The following ATP9B variants were observed in gnomAD, a reference collection of about 807,000 sequenced individuals.
ATP9B encodes ATPase phospholipid transporting 9B, also known as probable phospholipid-transporting ATPase IIB.
In ATP9B, 110 loss-of-function variants were observed where a neutral mutation model predicts 146.1. The ratio of observed to expected loss-of-function variants is 0.75; its 90% confidence interval spans 0.65 to 0.88. The LOEUF (loss-of-function observed/expected upper bound fraction) is 0.88, where lower values mean the gene tolerates loss of function less well. ATP9B is among the 40% of genes least tolerant of loss of function. ATP9B has a pLI of 0.00. For synonymous variants in ATP9B, 604 were observed against 569.7 expected, an observed-to-expected ratio of 1.06 and a Z score of -0.86; for missense variants, 1,499 against 1,496.4, an observed-to-expected ratio of 1.00 and a Z score of -0.03.
At chr18:79,121,664 G>T (rs1486509501) in intron 4 of ATP9B, among the ~76,000 whole-genome samples, 1 of 152,168 alleles carries the variant, frequency 6.6e-6, no homozygotes, top group African/African-American at 2.4e-5. Context: ...GGATAGATAC[G>T]CAGGGGATGG....
intron 7 of ATP9B, among the ~76,000 whole-genome samples, chr18:79,175,531 G>C (rs879359694): frequency 1.3e-5 from 2 of 151,888 alleles, no homozygotes; most frequent in Non-Finnish European, 2.9e-5. Context: ...CTCACACACA[G>C]AGGCACACAC....
At chr18:79,268,082 C>T (rs1183891420) in intron 12 of ATP9B, among the ~76,000 whole-genome samples, 1 of 152,096 alleles carries the variant, frequency 6.6e-6, no homozygotes, top group African/African-American at 2.4e-5. Flanking sequence ...TAAGCAGTTT[C>T]TCATTATAAA....
At chr18:79,276,906 G>A in intron 12 of ATP9B, 148 bp from the exon 13 acceptor site, 2 of 1,252,478 alleles carry the variant, frequency 1.6e-6, no homozygotes, top group Non-Finnish European at 2.3e-6. Flanking sequence ...AACCACTGCA[G>A]TGGGTTTTAT....
intron 26 of ATP9B, among the ~76,000 whole-genome samples, chr18:79,366,496 G>A (rs1465726843): frequency 6.6e-6 from 1 of 152,258 alleles, no homozygotes; most frequent in African/African-American, 2.4e-5. Flanking sequence ...ATAAGCCCAT[G>A]CATGGTAGCT....
intron 7 of ATP9B, among the ~76,000 whole-genome samples, chr18:79,174,669 A>G (rs1875067670): frequency 6.6e-6 from 1 of 152,236 alleles, no homozygotes; most frequent in African/African-American, 2.4e-5. Context: ...TACACAAAAC[A>G]ACCATGTTAT....
At chr18:79,289,280 A>G (rs573921663) in intron 13 of ATP9B, among the ~76,000 whole-genome samples, 2 of 152,260 alleles carry the variant, frequency 1.3e-5, no homozygotes, top group East Asian at 3.9e-4. Flanking sequence ...GTCTTTTCAC[A>G]CAGTCTCATG....
chr18:79,325,351 TAC>T (rs1356699836), intron 15 of ATP9B, among the ~76,000 whole-genome samples: 2 of 152,188 alleles, frequency 1.3e-5, no homozygotes, highest in African/African-American at 4.8e-5. Context: ...GGATAGTAGT[TAC>T]AGTTTCTCTC....
At chr18:79,229,360 G>C (rs1452634623) in intron 11 of ATP9B, among the ~76,000 whole-genome samples, 1 of 152,114 alleles carries the variant, frequency 6.6e-6, no homozygotes, top group East Asian at 1.9e-4. Context: ...CAGTCATTCA[G>C]GCAACAGTTT....
intron 5 of ATP9B, among the ~76,000 whole-genome samples, chr18:79,138,453 G>A (rs2094473062): frequency 6.6e-6 from 1 of 152,094 alleles, no homozygotes; most frequent in Non-Finnish European, 1.5e-5. Context: ...TGTTTATTGT[G>A]TACCTGCTTA....
chr18:79,168,224 G>A (rs1024680410), intron 7 of ATP9B, among the ~76,000 whole-genome samples: 3 of 152,208 alleles, frequency 2.0e-5, no homozygotes, highest in Non-Finnish European at 4.4e-5. Flanking sequence ...AGACTTGGTG[G>A]TGGCATTTCA....
At chr18:79,235,093 G>A (rs143866328) in intron 11 of ATP9B, among the ~76,000 whole-genome samples, 2 of 152,192 alleles carry the variant, frequency 1.3e-5, no homozygotes, top group African/African-American at 2.4e-5. Flanking sequence ...GGCTGGTCTC[G>A]AACTCCTAAC....
chr18:79,143,855 GA>G lies in ATP9B; in HGVS notation c.725del (p.Lys242ArgfsTer28). The G allele has an allele frequency of 1.3e-6, 2 of 1,569,006 alleles. No homozygotes were observed. The highest frequency in any genetic ancestry group is 1.2e-5 in the South Asian group (1 of 83,410). On this transcript the variant is annotated frameshift_variant, in exon 6 of 30. Coordinates refer to ENST00000426216, the MANE Select transcript of ATP9B (RefSeq NM_198531.5). LOFTEE classifies it high-confidence loss of function. ...ACAAGTTGGAGACCTCATCATAGTG[GA>G]AAAGGTTGATGATTTTTTAATATAT... Reference protein sequence around the residue: ...DIQVGDLIIVEKNQRIPSDMV... With the variant: ...DIQVGDLIIVXKNQRIPSDMV...
chr18:79,079,930 C>T (rs1255581078), intron 1 of ATP9B, among the ~76,000 whole-genome samples: 2 of 152,176 alleles, frequency 1.3e-5, no homozygotes, highest in African/African-American at 2.4e-5. Flanking sequence ...TTGTTTTTGT[C>T]AGGTTTGTTA....
At chr18:79,292,127 T>G (rs1377855914) in intron 13 of ATP9B, among the ~76,000 whole-genome samples, 1 of 152,246 alleles carries the variant, frequency 6.6e-6, no homozygotes, top group African/African-American at 2.4e-5. Flanking sequence ...ACTTTATTTA[T>G]CCATTCATAA....
intron 12 of ATP9B, among the ~76,000 whole-genome samples, chr18:79,265,735 A>C (rs2096197024): frequency 1.3e-5 from 2 of 151,912 alleles, no homozygotes; most frequent in South Asian, 2.1e-4. Flanking sequence ...CTTTTGTTGC[A>C]GTTGCTTTTG....
chr18:79,338,555 G>A (rs1294935613), intron 19 of ATP9B, among the ~76,000 whole-genome samples: 1 of 152,134 alleles, frequency 6.6e-6, no homozygotes, highest in East Asian at 1.9e-4. Flanking sequence ...GTTTATCTTG[G>A]ATGGGAGAGG....
Position 79,229,716 on chromosome 18 carries a change from T to C in ATP9B, c.1107+15678T>C, listed in dbSNP as rs115639738. ...GATTGCCAAGTTTCCTTGCATTCTT[T>C]AATCAGTCATCATTTCTCTTTCAAG... On this transcript the variant is annotated intron_variant, in intron 11 of 29. Coordinates refer to ENST00000426216, the MANE Select transcript of ATP9B (RefSeq NM_198531.5). Among the ~76,000 whole-genome samples, 1,213 of 152,362 alleles carry C rather than the reference T, an allele frequency of 8.0e-3. 17 individuals are homozygous for C. Among genetic ancestry groups the C allele is most frequent in the African/African-American group, 0.028 (1,161 of 41,574 alleles).
chr18:79,283,339 G>T (rs1239741037), intron 13 of ATP9B, among the ~76,000 whole-genome samples: 1 of 152,196 alleles, frequency 6.6e-6, no homozygotes, highest in Non-Finnish European at 1.5e-5. Flanking sequence ...CAAGTGCCTT[G>T]AGTTTCAGCT....
At chr18:79,356,034 T>A (rs757311769) in intron 25 of ATP9B, among the ~76,000 whole-genome samples, 9 of 152,042 alleles carry the variant, frequency 5.9e-5, no homozygotes, top group Non-Finnish European at 8.8e-5. Flanking sequence ...GCTTAAAGAT[T>A]CTCCAAGCTC....
Sources: gnomAD v4.1 joint callset for allele counts (sites outside exome capture counted in the v4.1 genomes callset) on GRCh38, gnomAD v4.1.1 for gene constraint, MANE v1.5 for transcripts, NCBI Gene and HGNC (gene_info 2026-07-23, HGNC 2026-07-21) for gene names.